Variants in TSR1 observed in about 807,000 individuals in gnomAD.
The protein encoded by TSR1 is pre-rRNA-processing protein TSR1 homolog.
In TSR1, 81 loss-of-function variants were observed where a neutral mutation model predicts 90.9. That is an observed-to-expected ratio of 0.89 (90% CI 0.74 to 1.07). TSR1 has a LOEUF of 1.07. TSR1 is among the 50% of genes least tolerant of loss of function. TSR1 has a pLI of 0.00. For synonymous variants in TSR1, 362 were observed against 348.8 expected (o/e 1.04, Z -0.42); for missense variants, 989 against 987.3 (o/e 1.00, Z -0.02).
chr17:2,330,850 C>T, intron 9 of TSR1, 97 bp downstream of exon 9: 7 of 1,412,994 alleles, frequency 5.0e-6, no homozygotes, highest in Non-Finnish European at 5.7e-6. Flanking sequence ...CCCCTAATCC[C>T]CAAATGCAGC....
At position 2,332,985 on chromosome 17, in the gene TSR1, C is replaced by T. The variant is rs755075736; in HGVS notation, c.1281G>A (p.Glu427=). The T allele has an allele frequency of 6.2e-7, 1 of 1,613,982 alleles. No individual in the cohort carries two copies. Among genetic ancestry groups the T allele is most frequent in the Non-Finnish European group, 8.5e-7 (1 of 1,179,958 alleles). ...CCTGAGATTCCTCCTCCATAAAATC[C>T]TCATGTTCCATATCATCATATTCAT... ...DEYEYDDMEH[E]DFMEEESQDE... The change falls in exon 7 of 15, where the codon GAG becomes GAA. Residue 427 remains glutamate, a synonymous_variant. Transcript: ENST00000301364.
At chr17:2,336,217 A>G in intron 1 of TSR1, 77 bp from the exon 2 acceptor site, 2 of 1,600,434 alleles carry the variant, frequency 1.2e-6, no homozygotes, top group East Asian at 2.2e-5. Flanking sequence ...CGCCCACCTT[A>G]GAAAGGGCCT....
rs745512745 is a variant in TSR1 at position 2,323,392 on chromosome 17, T to G, written c.*804A>C. The G allele has an allele frequency of 6.2e-7, 1 of 1,608,280 alleles. No homozygotes were observed. The highest frequency in any genetic ancestry group is 8.5e-7 in the Non-Finnish European group (1 of 1,175,458). On this transcript the variant is annotated 3_prime_UTR_variant, in exon 15 of 15. Coordinates refer to ENST00000301364, the MANE Select transcript of TSR1 (RefSeq NM_018128.5). ...AAATAGCAAAGCATGGTGTAACTTC[T>G]TAGGCAGAAGAAACTTCCCTTAGGA...
Position 2,325,367 on chromosome 17 carries a change from T to G in TSR1, c.1957A>C (p.Thr653Pro), listed in dbSNP as rs145422746. ...GGAAAAGTGATTGGCGCATAGACTG[T>G]CGCCACCAGGGCCATGTCAGCAGTC... Reference protein sequence around the residue: ...FLTADMALVATVYAPITFPPA... With the variant: ...FLTADMALVAPVYAPITFPPA... Residue 653 changes from threonine to proline, a missense_variant, in exon 12 of 15, where the codon ACA (threonine) becomes CCA (proline). Coordinates refer to ENST00000301364, the MANE Select transcript of TSR1 (RefSeq NM_018128.5). The G allele has an allele frequency of 1.5e-4, 249 of 1,613,660 alleles. No homozygotes were observed. The highest frequency in any genetic ancestry group is 2.0e-4 in the Non-Finnish European group (239 of 1,179,974).
In TSR1 at chr17:2,323,047, G is replaced by A. The variant is rs899188065; in HGVS notation, c.*1149C>T. ...CCCAAAGTGTTGGGATTACAGGTGT[G>A]AGCCACCACACCAGGCCCATATTTT... On this transcript the variant is annotated 3_prime_UTR_variant, in exon 15 of 15. Coordinates refer to ENST00000301364, the MANE Select transcript of TSR1 (RefSeq NM_018128.5). 5.1e-6 allele frequency: 7 copies of A among 1,375,262 alleles called. No individual in the cohort carries two copies. In the East Asian group the frequency reaches 9.2e-5, roughly 18 times the overall value. The allele number at this position is 1,375,262 out of a possible 1,614,324, so 85.2% of individuals were successfully genotyped here.
Position 2,325,399 on chromosome 17 carries a change from C to A in TSR1, c.1925G>T (p.Arg642Ile), listed in dbSNP as rs1286643974. The A allele has an allele frequency of 1.9e-6, 3 of 1,612,176 alleles. No individual in the cohort carries two copies. The African/African-American group carries it at 4.0e-5, about 22-fold the overall frequency. The change falls in exon 12 of 15, where the codon AGA becomes ATA. Residue 642 changes from arginine to isoleucine, a missense_variant. Physicochemically the swap from Arg to Ile is moderately conservative, Grantham distance 97. Coordinates refer to ENST00000301364, the MANE Select transcript of TSR1 (RefSeq NM_018128.5). ...HTAADKHKLQ[R>I]FLTADMALVA... is the part of the protein sequence containing the mutation. Reference sequence around the variant, plus strand: ...CAGGGCCATGTCAGCAGTCAGGAATCTCTGCAATTTATGTTTGTCCGCTGC... The same window carrying A: ...CAGGGCCATGTCAGCAGTCAGGAATATCTGCAATTTATGTTTGTCCGCTGC...
rs1490432049 is a variant in TSR1, at chr17:2,322,525, G to A, written c.*1671C>T. 2 of 151,910 alleles carry A rather than the reference G, an allele frequency of 1.3e-5. No individual in the cohort carries two copies. The highest frequency in any genetic ancestry group is 2.9e-5 in the Non-Finnish European group (2 of 68,072). The allele number at this position is 151,910 out of a possible 1,614,324, so 9.4% of individuals were successfully genotyped here. On this transcript the variant is annotated 3_prime_UTR_variant, in exon 15 of 15. Coordinates refer to ENST00000301364, the MANE Select transcript of TSR1 (RefSeq NM_018128.5). ...CTATTTTCTTTTTTTTTTTGAGACG[G>A]AGTCTCACTCTGTCACCCAGGCTGG...
intron 5 of TSR1, among the ~76,000 whole-genome samples, 153 bp downstream of exon 5, chr17:2,334,319 T>C (rs2064029202): frequency 6.6e-6 from 1 of 152,210 alleles, no homozygotes; most frequent in South Asian, 2.1e-4. Context: ...TGGATAAATA[T>C]GTGATTTATC....
intron 9 of TSR1, 138 bp from the exon 10 acceptor site, chr17:2,330,763 C>T: frequency 3.6e-6 from 4 of 1,098,800 alleles, no homozygotes; most frequent in Non-Finnish European, 5.2e-6. Flanking sequence ...CTTCATTTAC[C>T]CAGATCACAC....
At chr17:2,329,988 T>G (rs2075595633) in intron 10 of TSR1, among the ~76,000 whole-genome samples, 1 of 152,098 alleles carries the variant, frequency 6.6e-6, no homozygotes, top group Non-Finnish European at 1.5e-5. Flanking sequence ...GGTGCAATCT[T>G]GGCTCACCAC....
At chr17:2,325,217 T>G (rs2075568854) in intron 12 of TSR1, 87 bp downstream of exon 12, 1 of 964,364 alleles carries the variant, frequency 1.0e-6, no homozygotes, top group African/African-American at 1.6e-5. Flanking sequence ...CCATACCATT[T>G]GGCTCCCAAA....
In TSR1 at chr17:2,324,768, G is replaced by A. The variant is rs2075564899; in HGVS notation, c.2082C>T (p.Ile694=). ...LMSVDPDRMV[I]KRVVLSGHPF... Reference sequence around the variant, plus strand: ...GATGACCACTCAGAACAACTCTCTTGATGACCATTCTGTCTGGATCTACTG... The same window carrying A: ...GATGACCACTCAGAACAACTCTCTTAATGACCATTCTGTCTGGATCTACTG... The change falls in exon 13 of 15, where the codon ATC becomes ATT. Residue 694 remains isoleucine (I), a synonymous_variant. Coordinates refer to ENST00000301364, the MANE Select transcript of TSR1 (RefSeq NM_018128.5). The A allele has an allele frequency of 6.2e-7, 1 of 1,614,154 alleles. No individual in the cohort carries two copies.
chr17:2,332,025 C>T (rs2064007565), intron 8 of TSR1, 144 bp downstream of exon 8: 1 of 845,306 alleles, frequency 1.2e-6, no homozygotes, highest in Non-Finnish European at 1.8e-6. Context: ...TATGTATGTC[C>T]TGCCTTCCCA....
intron 8 of TSR1, among the ~76,000 whole-genome samples, 155 bp from the exon 9 acceptor site, chr17:2,331,264 G>T (rs184604160): frequency 1.3e-5 from 2 of 152,118 alleles, no homozygotes; most frequent in Non-Finnish European, 2.9e-5. Flanking sequence ...ACGACACTCC[G>T]AACAGCTTAT....
chr17:2,333,518 C>T, intron 6 of TSR1, 39 bp downstream of exon 6: 1 of 1,613,024 alleles, frequency 6.2e-7, no homozygotes, highest in Non-Finnish European at 8.5e-7. Flanking sequence ...TCCACAATTC[C>T]AGGTCAGATG....
Position 2,332,339 on chromosome 17 carries a change from C to T in TSR1, c.1326G>A (p.Glu442=). 2 of 1,604,756 alleles carry T rather than the reference C, an allele frequency of 1.2e-6. No homozygotes were observed. The highest frequency in any genetic ancestry group is 2.2e-5 in the East Asian group (1 of 44,750). Residue 442 remains glutamate (E), a synonymous_variant, in exon 8 of 15, where the codon GAG becomes GAA. Coordinates refer to ENST00000301364, the MANE Select transcript of TSR1 (RefSeq NM_018128.5). ...CAATAGTCATAGTTTCATATTCTTC[C>T]TCTTCTTCACTACTCTCATCCTGTA... ...EESQDESSEE[E]EEYETMTIGE...
Position 2,335,549 on chromosome 17 carries a change from C to A in TSR1, c.383G>T (p.Arg128Leu). The change falls in exon 3 of 15, where the codon CGC (arginine) becomes CTC (leucine). Residue 128 changes from arginine (R) to leucine (L), a missense_variant. Transcript: ENST00000301364. ...GGTGAAAAACCACCGATGTTTCAAGCGGGGGCACAGCAGCATAAAGTTCTG... is the reference window on the plus strand; with the variant it reads ...GGTGAAAAACCACCGATGTTTCAAGAGGGGGCACAGCAGCATAAAGTTCTG... ...NTQNFMLLCPRLKHRWFFTSA... is the reference protein window; with the variant it reads ...NTQNFMLLCPLLKHRWFFTSA... The A allele has an allele frequency of 6.2e-7, 1 of 1,613,974 alleles. No individual in the cohort carries two copies. Among genetic ancestry groups the A allele is most frequent in the Non-Finnish European group, 8.5e-7 (1 of 1,180,012 alleles).
In TSR1 at chr17:2,323,081, C is replaced by A; in HGVS notation, c.*1115G>T. On this transcript the variant is annotated 3_prime_UTR_variant, in exon 15 of 15. Coordinates refer to ENST00000301364, the MANE Select transcript of TSR1 (RefSeq NM_018128.5). ...CACCAGGCCCATATTTTCTTTTAGACATGCAGGCAATGTTGTGGTTTGTTG... is the reference window on the plus strand; with the variant it reads ...CACCAGGCCCATATTTTCTTTTAGAAATGCAGGCAATGTTGTGGTTTGTTG... The A allele has an allele frequency of 1.3e-6, 2 of 1,563,772 alleles. No homozygotes were observed. Among genetic ancestry groups the A allele is most frequent in the Non-Finnish European group, 1.8e-6 (2 of 1,135,374 alleles).
At chr17:2,332,454 C>T (rs180941585) in intron 7 of TSR1, 95 bp from the exon 8 acceptor site, 2 of 1,065,142 alleles carry the variant, frequency 1.9e-6, no homozygotes, top group East Asian at 4.9e-5. Flanking sequence ...GTACTAGATC[C>T]CTATTCCCAA....
Sources: gnomAD v4.1 joint callset for allele counts (sites outside exome capture counted in the v4.1 genomes callset) on GRCh38, gnomAD v4.1.1 for gene constraint, MANE v1.5 for transcripts, NCBI Gene and HGNC (gene_info 2026-07-23, HGNC 2026-07-21) for gene names.